The following RGS6 variants were observed in gnomAD, a reference collection of about 807,000 sequenced individuals.
The protein encoded by RGS6 is regulator of G-protein signaling 6.
Under a neutral mutation model 78.5 loss-of-function variants are expected in RGS6, and 30 were observed. The observed-to-expected ratio is 0.38, with a 90% CI of 0.29 to 0.52. The LOEUF (loss-of-function observed/expected upper bound fraction) is 0.52. Ranked by LOEUF, RGS6 falls within the 20% of genes least tolerant of loss-of-function variation. The pLI is 0.85. For missense variants in RGS6, 495 were observed against 609.7 expected, an observed-to-expected ratio of 0.81 and a Z score of 1.98; for synonymous variants, 206 against 206.0, an observed-to-expected ratio of 1.00 and a Z score of 0.00.
At chr14:72,244,778 C>T (rs1394487602) in intron 2 of RGS6, among the ~76,000 whole-genome samples, 1 of 152,058 alleles carries the variant, frequency 6.6e-6, no homozygotes, top group South Asian at 2.1e-4. Context: ...ATAAGAGGTG[C>T]ATTGTCTGCA....
chr14:72,129,623 T>C (rs988530161), intron 2 of RGS6, among the ~76,000 whole-genome samples: 2 of 152,192 alleles, frequency 1.3e-5, no homozygotes, highest in Admixed American at 1.3e-4. Context: ...TCCGCTTGAC[T>C]ACAGGGATGT....
At chr14:72,195,181 C>T (rs1468422730) in intron 2 of RGS6, among the ~76,000 whole-genome samples, 1 of 151,818 alleles carries the variant, frequency 6.6e-6, no homozygotes, top group African/African-American at 2.4e-5. Context: ...GCACTCCGGC[C>T]TGGGCGACAG....
At chr14:72,494,781 T>A (rs1383018518) in intron 12 of RGS6, among the ~76,000 whole-genome samples, 1 of 152,336 alleles carries the variant, frequency 6.6e-6, no homozygotes, top group East Asian at 1.9e-4. Context: ...TTTTGTGTGT[T>A]CCAGATGCCT....
intron 2 of RGS6, among the ~76,000 whole-genome samples, chr14:72,312,225 GT>G (rs386364170): frequency 0.086 from 11,104 of 128,794 alleles, 786 homozygotes; most frequent in African/African-American, 0.23. Context: ...CTGAGAAATT[GT>G]TTTTTTTTTT....
intron 2 of RGS6, among the ~76,000 whole-genome samples, chr14:72,079,997 G>A (rs1024397393): frequency 6.6e-6 from 1 of 152,034 alleles, no homozygotes. Context: ...CAATGAACAC[G>A]GGAGTGCAGG....
Position 72,476,833 on chromosome 14 carries a change from G to A in RGS6, c.785G>A (p.Arg262Gln), listed in dbSNP as rs747825745. ...AGGAAAACAACAAAAGAGGACATCC[G>A]GAAACAGGTGAATGAATTGACAGCT... ...PIRKTTKEDIRKQITFLNAQI... is the reference protein window; with the variant it reads ...PIRKTTKEDIQKQITFLNAQI... The change falls in exon 11 of 18, where the codon CGG becomes CAG. Residue 262 changes from arginine (R) to glutamine (Q), a missense_variant. Coordinates refer to ENST00000553525, the MANE Select transcript of RGS6 (RefSeq NM_001204424.2). 28 of 1,613,830 alleles carry A rather than the reference G, an allele frequency of 1.7e-5. No homozygotes were observed. The highest frequency in any genetic ancestry group is 1.6e-4 in the Middle Eastern group (1 of 6,062).
intron 10 of RGS6, among the ~76,000 whole-genome samples, chr14:72,475,612 C>T (rs1182067364): frequency 6.6e-6 from 1 of 151,962 alleles, no homozygotes; most frequent in Non-Finnish European, 1.5e-5. Context: ...ACCTGTAATC[C>T]CAGCTTCTTG....
At chr14:72,513,538 A>G (rs1335359565) in intron 14 of RGS6, among the ~76,000 whole-genome samples, 4 of 152,182 alleles carry the variant, frequency 2.6e-5, no homozygotes, top group African/African-American at 9.7e-5. Context: ...GGACCCACAG[A>G]CAGCTGTTTG....
intron 1 of RGS6, among the ~76,000 whole-genome samples, chr14:71,946,470 C>T (rs1353961863): frequency 1.3e-5 from 2 of 152,172 alleles, no homozygotes; most frequent in Non-Finnish European, 2.9e-5. Context: ...ATCTATCTTC[C>T]TACCAAGGAC....
At chr14:72,503,261 T>C (rs1171821277) in intron 13 of RGS6, among the ~76,000 whole-genome samples, 2 of 152,112 alleles carry the variant, frequency 1.3e-5, no homozygotes, top group Non-Finnish European at 2.9e-5. Flanking sequence ...TTTCAACATA[T>C]AAATTTGAAG....
At chr14:72,560,601 A>G (rs1340251844) in intron 17 of RGS6, among the ~76,000 whole-genome samples, 2 of 152,182 alleles carry the variant, frequency 1.3e-5, no homozygotes, top group Non-Finnish European at 2.9e-5. Flanking sequence ...TCTAAGAGCT[A>G]TTGTTGTACC....
At chr14:71,894,689 T>TC in the RGS6 span, among the ~76,000 whole-genome samples, 1 of 152,206 alleles carries the variant, frequency 6.6e-6, no homozygotes, top group African/African-American at 2.4e-5. Context: ...AAAGATACTA[T>TC]CCCAGTACCT....
At chr14:72,221,711 A>G (rs2046908074) in intron 2 of RGS6, among the ~76,000 whole-genome samples, 1 of 152,222 alleles carries the variant, frequency 6.6e-6, no homozygotes, top group African/African-American at 2.4e-5. Flanking sequence ...AGACATAGAA[A>G]GCACCTATTT....
At chr14:72,097,581 G>A (rs2095434851) in intron 2 of RGS6, among the ~76,000 whole-genome samples, 1 of 152,192 alleles carries the variant, frequency 6.6e-6, no homozygotes, top group African/African-American at 2.4e-5. Flanking sequence ...ATGAAGAGGA[G>A]GAGAAGGGGG....
At chr14:72,242,838 T>C (rs1257393656) in intron 2 of RGS6, among the ~76,000 whole-genome samples, 2 of 113,140 alleles carry the variant, frequency 1.8e-5, no homozygotes, top group South Asian at 2.8e-4. Flanking sequence ...TCATTTCTTT[T>C]CTTTTTTTTT....
At chr14:71,914,494 C>G in the RGS6 span, among the ~76,000 whole-genome samples, 2 of 152,180 alleles carry the variant, frequency 1.3e-5, no homozygotes, top group African/African-American at 2.4e-5. Flanking sequence ...TCTTTAAGAA[C>G]TAACGGATCT....
At chr14:72,605,236 G>A in the RGS6 span, among the ~76,000 whole-genome samples, 23 of 152,288 alleles carry the variant, frequency 1.5e-4, no homozygotes, top group African/African-American at 5.1e-4. Flanking sequence ...ATGGGAAGGC[G>A]CAAATCCCAG....
chr14:72,115,556 G>C (rs1175176992), intron 2 of RGS6, among the ~76,000 whole-genome samples: 1 of 152,172 alleles, frequency 6.6e-6, no homozygotes, highest in Non-Finnish European at 1.5e-5. Context: ...AGGTGAGGGA[G>C]GAGATCTGGG....
At chr14:72,227,883 G>A (rs974178896) in intron 2 of RGS6, among the ~76,000 whole-genome samples, 4 of 152,092 alleles carry the variant, frequency 2.6e-5, no homozygotes, top group African/African-American at 4.8e-5. Context: ...GACTGGGGAG[G>A]GGGGAAGAGC....
Sources: gnomAD v4.1 joint callset for allele counts (sites outside exome capture counted in the v4.1 genomes callset) on GRCh38, gnomAD v4.1.1 for gene constraint, MANE v1.5 for transcripts, NCBI Gene and HGNC (gene_info 2026-07-23, HGNC 2026-07-21) for gene names.